ACBD6: variants seen among roughly 807,000 people sequenced by gnomAD.
ACBD6 encodes acyl-CoA binding domain containing 6, also known as acyl-CoA-binding domain-containing protein 6.
ACBD6 carries 28 observed loss-of-function variants against 37.2 expected under a neutral mutation model. The observed-to-expected ratio is 0.75, with a 90% CI of 0.56 to 1.03. ACBD6 has a LOEUF of 1.03. Ranked by LOEUF, ACBD6 falls within the 50% of genes least tolerant of loss-of-function variation. ACBD6 has a pLI of 0.00. For missense variants in ACBD6, 340 were observed against 337.4 expected, an observed-to-expected ratio of 1.01 and a Z score of -0.06; for synonymous variants, 113 against 126.8, an observed-to-expected ratio of 0.89 and a Z score of 0.73.
At chr1:180,402,785 GAC>G (rs1558284525) in intron 5 of ACBD6, among the ~76,000 whole-genome samples, 1 of 145,620 alleles carries the variant, frequency 6.9e-6, no homozygotes, top group South Asian at 2.3e-4. Context: ...GCAACACAGT[GAC>G]ACTCTGTCTC....
chr1:180,414,568 C>T lies in ACBD6; in HGVS notation c.468-1097G>A, dbSNP rs183704241. 3.9e-3 allele frequency among the ~76,000 whole-genome samples: 594 copies of T among 152,288 alleles called. 5 individuals carry two copies. The highest frequency in any genetic ancestry group is 0.014 in the African/African-American group (565 of 41,568). ...TTGAGCACCTACTACATGTAAGGCA[C>T]TGGACAAGAATTTGTTGATAACAGA... On this transcript the variant is annotated intron_variant, in intron 4 of 7. Transcript: ENST00000367595.
chr1:180,310,051 C>T (rs759905280), intron 7 of ACBD6, among the ~76,000 whole-genome samples: 1 of 152,016 alleles, frequency 6.6e-6, no homozygotes, highest in Non-Finnish European at 1.5e-5. Flanking sequence ...TTCCAATTCC[C>T]TTAGGCAAGC....
intron 9 of ACBD6, chr1:180,277,880 G>GT (rs1044859976): frequency 6.7e-6 from 1 of 149,742 alleles, no homozygotes; most frequent in Non-Finnish European, 1.5e-5. Flanking sequence ...CTTTTTTTGG[G>GT]GGGGGGCAGT....
intron 6 of ACBD6, among the ~76,000 whole-genome samples, chr1:180,368,387 C>G (rs1325403407): frequency 6.6e-6 from 1 of 152,094 alleles, no homozygotes; most frequent in East Asian, 1.9e-4. Context: ...TTAATTAGAT[C>G]CTATCTGTCA....
At chr1:180,422,452 C>T (rs919218054) in intron 4 of ACBD6, among the ~76,000 whole-genome samples, 1 of 152,124 alleles carries the variant, frequency 6.6e-6, no homozygotes, top group African/African-American at 2.4e-5. Flanking sequence ...GTGATCCACC[C>T]GTCTTGGCCT....
At chr1:180,496,527 G>C (rs1281005025) in intron 1 of ACBD6, among the ~76,000 whole-genome samples, 1 of 152,078 alleles carries the variant, frequency 6.6e-6, no homozygotes, top group Non-Finnish European at 1.5e-5. Context: ...TCCTAGTTCA[G>C]GGTTTTGCTT....
intron 6 of ACBD6, among the ~76,000 whole-genome samples, chr1:180,385,463 T>C (rs890128791): frequency 2.0e-5 from 3 of 150,284 alleles, no homozygotes; most frequent in African/African-American, 7.4e-5. Flanking sequence ...AAAGATACAG[T>C]GTTATGGACT....
intron 7 of ACBD6, among the ~76,000 whole-genome samples, chr1:180,309,426 A>T (rs1411748797): frequency 1.3e-5 from 2 of 152,226 alleles, no homozygotes; most frequent in African/African-American, 4.8e-5. Flanking sequence ...AGAGTGACTC[A>T]TCTAAATTCT....
chr1:180,289,976 G>A (rs1649637028), intron 7 of ACBD6, among the ~76,000 whole-genome samples: 1 of 152,096 alleles, frequency 6.6e-6, no homozygotes, highest in African/African-American at 2.4e-5. Flanking sequence ...CACTAGGGAA[G>A]GCCATATGAT....
At chr1:180,396,924 C>T (rs766916589) in intron 6 of ACBD6, among the ~76,000 whole-genome samples, 3 of 152,110 alleles carry the variant, frequency 2.0e-5, no homozygotes, top group Non-Finnish European at 4.4e-5. Context: ...TACCATATGA[C>T]CCAGTAACTC....
intron 3 of ACBD6, among the ~76,000 whole-genome samples, chr1:180,476,060 T>G (rs561676845): frequency 1.3e-5 from 2 of 152,080 alleles, no homozygotes; most frequent in Non-Finnish European, 2.9e-5. Context: ...TAGGGGAAAA[T>G]AGCAAAACAA....
intron 7 of ACBD6, among the ~76,000 whole-genome samples, chr1:180,289,665 C>A (rs1649626122): frequency 1.3e-5 from 2 of 152,142 alleles, no homozygotes. Context: ...GTAAACAGCC[C>A]AAACGCTCAT....
intron 3 of ACBD6, among the ~76,000 whole-genome samples, chr1:180,444,544 C>T (rs1303988380): frequency 2.0e-5 from 3 of 152,050 alleles, no homozygotes; most frequent in Non-Finnish European, 1.5e-5. Context: ...ATAAAGATGC[C>T]AAAGATGCGT....
chr1:180,271,293 T>C, exon 14 of ACBD6: 4 of 1,468,968 alleles, frequency 2.7e-6, no homozygotes, highest in Non-Finnish European at 2.9e-6. Flanking sequence ...CAGGCTTAGG[T>C]GCAGAAAGGA....
chr1:180,353,043 C>T (rs1214996070), intron 6 of ACBD6, among the ~76,000 whole-genome samples: 9 of 152,204 alleles, frequency 5.9e-5, no homozygotes, highest in South Asian at 4.1e-4. Context: ...AAAGTAACCA[C>T]CACTATTTTA....
intron 5 of ACBD6, among the ~76,000 whole-genome samples, chr1:180,398,768 T>C (rs920243098): frequency 2.6e-5 from 4 of 152,240 alleles, no homozygotes; most frequent in Non-Finnish European, 4.4e-5. Context: ...AAATGAGTGA[T>C]GCATGGCTTA....
intron 3 of ACBD6, among the ~76,000 whole-genome samples, chr1:180,487,087 T>C (rs761593574): frequency 3.3e-5 from 5 of 151,688 alleles, no homozygotes; most frequent in Admixed American, 6.6e-5. Context: ...CTAAATACGA[T>C]GCATGACCCT....
rs1401726590 is a variant in ACBD6, at chr1:180,413,480, A to G, written c.468-9T>C. ...TATTTTTGTCTTCTTCCCTAGAATA[A>G]AAAAAAGAAAGGTCTTTTTTTACTG... On this transcript the variant is annotated splice_polypyrimidine_tract_variant and intron_variant, in intron 4 of 7. Coordinates refer to ENST00000367595, the MANE Select transcript of ACBD6 (RefSeq NM_032360.4). The G allele has an allele frequency of 1.9e-6, 3 of 1,589,508 alleles. No homozygotes were observed. The South Asian group carries it at 3.3e-5, about 18-fold the overall frequency.
At chr1:180,299,079 G>A (rs1558239072) in intron 7 of ACBD6, among the ~76,000 whole-genome samples, 1 of 152,214 alleles carries the variant, frequency 6.6e-6, no homozygotes, top group East Asian at 1.9e-4. Flanking sequence ...AACTACTTGA[G>A]TATATGCTTC....
Sources: allele counts gnomAD v4.1 joint callset (sites outside exome capture counted in the v4.1 genomes callset), GRCh38; gene constraint gnomAD v4.1.1; transcripts MANE v1.5; gene names NCBI Gene and HGNC (gene_info 2026-07-23, HGNC 2026-07-21).